RELN: variants seen among roughly 807,000 people sequenced by gnomAD.
RELN encodes the protein reelin.
Under a neutral mutation model 427.6 loss-of-function variants are expected in RELN, and 108 were observed. The ratio of observed to expected loss-of-function variants is 0.25; its 90% CI spans 0.22 to 0.30. The LOEUF (loss-of-function observed/expected upper bound fraction) is 0.30, where lower values mean the gene tolerates loss of function less well. Ranked by LOEUF, RELN falls within the 10% of genes least tolerant of loss-of-function variation. The pLI, the probability that RELN is intolerant of heterozygous loss-of-function variation, is 1.00. For missense variants in RELN, 3,715 were observed against 4,302.8 expected (o/e 0.86, Z 3.82); for synonymous variants, 1,524 against 1,513.4 (o/e 1.01, Z -0.16).
At position 103,900,900 on chromosome 7, in the gene RELN, C is replaced by A. The variant is rs187141036; in HGVS notation, c.337+16175G>T. On this transcript the variant is annotated intron_variant, in intron 2 of 64. Coordinates refer to ENST00000428762, the MANE Select transcript of RELN (RefSeq NM_005045.4). Reference sequence around the variant, plus strand: ...GGACCATAAAAATCTTAGAAGAAAACCTGGGCAATACCATTCAGGATGTAG... The same window carrying A: ...GGACCATAAAAATCTTAGAAGAAAAACTGGGCAATACCATTCAGGATGTAG... 2.6e-5 allele frequency among the ~76,000 whole-genome samples: 4 copies of A among 151,932 alleles called. No homozygotes were observed. The East Asian group carries it at 7.7e-4, about 29-fold the overall frequency.
At chr7:103,612,426 C>T (rs906189518) in intron 20 of RELN, among the ~76,000 whole-genome samples, 4 of 151,802 alleles carry the variant, frequency 2.6e-5, no homozygotes, top group Admixed American at 2.6e-4. Context: ...CAGGCATGTG[C>T]CACCATGCCC....
At position 103,633,585 on chromosome 7, in the gene RELN, A is replaced by G. The variant is rs1047614297; in HGVS notation, c.2465+1840T>C. 3.0e-4 allele frequency among the ~76,000 whole-genome samples: 45 copies of G among 152,096 alleles called. 2 individuals are homozygous for G. Among genetic ancestry groups the G allele is most frequent in the Non-Finnish European group, 8.8e-5 (6 of 67,988 alleles). On this transcript the variant is annotated intron_variant, in intron 19 of 64. Transcript: ENST00000428762. ...CTTTCAAGCCATGCACATATCTAATACTGAAAAGCTACCTTGATTCTTAGA... is the reference window on the plus strand; with the variant it reads ...CTTTCAAGCCATGCACATATCTAATGCTGAAAAGCTACCTTGATTCTTAGA...
intron 1 of RELN, among the ~76,000 whole-genome samples, chr7:103,960,221 T>C (rs1796520617): frequency 6.6e-6 from 1 of 152,174 alleles, no homozygotes; most frequent in African/African-American, 2.4e-5. Context: ...TTCCCCTTCT[T>C]TGCTCACCTT....
intron 2 of RELN, among the ~76,000 whole-genome samples, chr7:103,887,346 A>C (rs1178642893): frequency 6.6e-6 from 1 of 152,214 alleles, no homozygotes; most frequent in African/African-American, 2.4e-5. Flanking sequence ...GGCCCTAGCC[A>C]TTGCACGTCA....
chr7:103,547,054 A>G lies in RELN; in HGVS notation c.6303-1710T>C, dbSNP rs362765. On this transcript the variant is annotated intron_variant, in intron 41 of 64. Coordinates refer to ENST00000428762, the MANE Select transcript of RELN (RefSeq NM_005045.4). ...TTTATCATGTGTAAAACTCAGTTCA[A>G]AGAAGACAGATTTATTTTAGAATGG... Among the ~76,000 whole-genome samples the G allele has an allele frequency of 1.4e-3, 216 of 152,288 alleles. 1 individual carries two copies. Among genetic ancestry groups the G allele is most frequent in the Middle Eastern group, 3.4e-3 (1 of 294 alleles).
At chr7:103,784,106 G>A (rs1036016102) in intron 3 of RELN, among the ~76,000 whole-genome samples, 6 of 152,074 alleles carry the variant, frequency 3.9e-5, no homozygotes, top group Admixed American at 1.3e-4. Context: ...TTCATATGCA[G>A]AAGAATGGCT....
At chr7:103,650,485 G>T (rs924730827) in intron 15 of RELN, 102 bp from the exon 16 acceptor site, 2 of 792,206 alleles carry the variant, frequency 2.5e-6, no homozygotes, top group African/African-American at 3.4e-5. Flanking sequence ...GCTTGGAAAA[G>T]CACTAAAGTT....
chr7:103,931,586 T>C (rs886706931), intron 1 of RELN, among the ~76,000 whole-genome samples: 50 of 152,344 alleles, frequency 3.3e-4, no homozygotes, highest in African/African-American at 1.2e-3. Context: ...AGATATGCCC[T>C]GCTATTAGAA....
At chr7:103,684,600 T>C (rs1359188222) in intron 10 of RELN, among the ~76,000 whole-genome samples, 1 of 152,154 alleles carries the variant, frequency 6.6e-6, no homozygotes, top group Non-Finnish European at 1.5e-5. Context: ...GTTTCAGGAT[T>C]GGGATTAGAA....
At chr7:103,867,353 T>C (rs1305337047) in intron 2 of RELN, among the ~76,000 whole-genome samples, 1 of 151,330 alleles carries the variant, frequency 6.6e-6, no homozygotes, top group Non-Finnish European at 1.5e-5. Flanking sequence ...AAGAGAAAGA[T>C]TAGTTCATTA....
At chr7:103,724,926 A>T (rs547937844) in intron 7 of RELN, among the ~76,000 whole-genome samples, 9 of 152,038 alleles carry the variant, frequency 5.9e-5, no homozygotes, top group African/African-American at 1.9e-4. Flanking sequence ...ATTGGGTAAT[A>T]TAAATTATTA....
intron 22 of RELN, among the ~76,000 whole-genome samples, chr7:103,606,677 T>A (rs540832852): frequency 5.5e-4 from 84 of 152,316 alleles, no homozygotes; most frequent in African/African-American, 1.9e-3. Flanking sequence ...GGGAAGGGTT[T>A]CAGAAACTTG....
At chr7:103,894,110 T>C (rs1184786149) in intron 2 of RELN, among the ~76,000 whole-genome samples, 1 of 152,196 alleles carries the variant, frequency 6.6e-6, no homozygotes, top group African/African-American at 2.4e-5. Flanking sequence ...GTCTTCCTCA[T>C]GCATTTTCTT....
chr7:103,519,447 T>C lies in RELN; in HGVS notation c.7738A>G (p.Met2580Val). 1 of 1,613,428 alleles carries C rather than the reference T, an allele frequency of 6.2e-7. No individual in the cohort carries two copies. Among genetic ancestry groups the C allele is most frequent in the Non-Finnish European group, 8.5e-7 (1 of 1,179,446 alleles). ...TNAEFIQFYF[M>V]YGCLITPNNR... ...TTTGGTGTAATCAGGCACCCATACA[T>C]GAAGTAAAATTGGATGAACTCAGCA... Residue 2580 changes from methionine to valine, a missense_variant, in exon 49 of 65, where the codon ATG becomes GTG. Physicochemically the swap from Met to Val is conservative, Grantham distance 21 (BLOSUM62 1). Coordinates refer to ENST00000428762, the MANE Select transcript of RELN (RefSeq NM_005045.4).
At chr7:103,966,131 A>G (rs982769003) in intron 1 of RELN, among the ~76,000 whole-genome samples, 2 of 152,250 alleles carry the variant, frequency 1.3e-5, no homozygotes, top group African/African-American at 4.8e-5. Flanking sequence ...CTTCTAAATA[A>G]AGACAAAATG....
Position 103,640,517 on chromosome 7 carries a change from C to A in RELN, c.2069+26G>T, listed in dbSNP as rs370633711. The A allele has an allele frequency of 1.8e-5, 29 of 1,609,642 alleles. No homozygotes were observed. Among genetic ancestry groups the A allele is most frequent in the Non-Finnish European group, 2.5e-5 (29 of 1,176,312 alleles). ...TACATTACACATCAAAAAGGAGAAG[C>A]ATAAGTGTTATTTTAAGATGCTTAC... On this transcript the variant is annotated intron_variant, in intron 17 of 64. Coordinates refer to ENST00000428762, the MANE Select transcript of RELN (RefSeq NM_005045.4). The surrounding 1 kb of genome is among the most constrained non-coding windows in gnomAD (Gnocchi z 4.1).
Position 103,523,791 on chromosome 7 carries a change from T to C in RELN, c.7350-260A>G, listed in dbSNP as rs2240962. On this transcript the variant is annotated intron_variant, in intron 46 of 64. Coordinates refer to ENST00000428762, the MANE Select transcript of RELN (RefSeq NM_005045.4). ...TTCCTGGGTTCAAGCAATTCTGATGTCTCAGCCTCCCGAGTAGCTGGGATT... is the reference window on the plus strand; with the variant it reads ...TTCCTGGGTTCAAGCAATTCTGATGCCTCAGCCTCCCGAGTAGCTGGGATT... 0.83 allele frequency among the ~76,000 whole-genome samples: 125,713 copies of C among 151,984 alleles called. 51,997 individuals are homozygous for C. The highest frequency in any genetic ancestry group is 0.86 in the African/African-American group (35,595 of 41,466).
chr7:103,691,057 A>G (rs563841280), intron 10 of RELN, among the ~76,000 whole-genome samples: 201 of 152,240 alleles, frequency 1.3e-3, no homozygotes, highest in Middle Eastern at 3.4e-3. Flanking sequence ...CAACAAATAT[A>G]AGGCCAGGTT....
intron 1 of RELN, among the ~76,000 whole-genome samples, chr7:103,936,743 GACACACACACACAC>G (rs57505374): frequency 2.1e-5 from 3 of 139,664 alleles, no homozygotes; most frequent in East Asian, 4.2e-4. Flanking sequence ...CAGACAGACA[GACACACACACACAC>G]ACACACACAC....
Sources: allele counts gnomAD v4.1 joint callset (sites outside exome capture counted in the v4.1 genomes callset), GRCh38; gene constraint gnomAD v4.1.1; non-coding constraint Gnocchi (gnomAD v3.1); transcripts MANE v1.5; gene names NCBI Gene and HGNC (gene_info 2026-07-23, HGNC 2026-07-21).